The following ABCB7 variants were observed in gnomAD, a reference collection of about 807,000 sequenced individuals.
ABCB7 encodes ATP binding cassette subfamily B member 7, also known as iron-sulfur clusters transporter ABCB7, mitochondrial.
A neutral mutation model predicts 54.4 loss-of-function variants in ABCB7; 7 were observed. The ratio of observed to expected loss-of-function variants is 0.13; its 90% confidence interval spans 0.07 to 0.24. The LOEUF (loss-of-function observed/expected upper bound fraction) is 0.24, where lower values mean the gene tolerates loss of function less well. Ranked by LOEUF, ABCB7 falls within the 10% of genes least tolerant of loss-of-function variation. The pLI is 1.00. For synonymous variants in ABCB7, 218 were observed against 207.1 expected (o/e 1.05, Z -0.45); for missense variants, 356 against 570.4 (o/e 0.62, Z 3.83).
chrX:75,090,302 T>C (rs2147492061), intron 4 of ABCB7, among the ~76,000 whole-genome samples: 1 of 108,959 alleles, frequency 9.2e-6, no homozygotes, highest in South Asian at 4.0e-4. Flanking sequence ...TAGCACGAAG[T>C]ATGCCCTAGG....
chrX:75,099,537 G>A (rs2081621384), intron 3 of ABCB7, among the ~76,000 whole-genome samples: 1 of 111,187 alleles, frequency 9.0e-6, no homozygotes, highest in Admixed American at 9.6e-5. Context: ...AAAGCAGAGG[G>A]CTTGGTATTG....
At chrX:75,064,328 G>C (rs2081302246) in intron 13 of ABCB7, among the ~76,000 whole-genome samples, 1 of 111,070 alleles carries the variant, frequency 9.0e-6, no homozygotes, top group Admixed American at 9.7e-5. Flanking sequence ...AATTCATATA[G>C]AGTATTTCTC....
intron 2 of ABCB7, among the ~76,000 whole-genome samples, chrX:75,113,567 G>T (rs918478166): frequency 9.0e-6 from 1 of 111,618 alleles, no homozygotes; most frequent in African/African-American, 3.3e-5. Flanking sequence ...CAGAGACAGT[G>T]TCTTTTATCT....
chrX:75,138,245 C>CAG (rs1351097331), intron 1 of ABCB7, among the ~76,000 whole-genome samples: 2 of 110,539 alleles, frequency 1.8e-5, no homozygotes, highest in African/African-American at 6.6e-5. Context: ...CACACACACA[C>CAG]ACACACACAC....
At chrX:75,088,846 CA>C (rs58687438) in intron 4 of ABCB7, among the ~76,000 whole-genome samples, 14,301 of 90,774 alleles carry the variant, frequency 0.16, 1,724 homozygotes, top group East Asian at 0.9. Flanking sequence ...ACAAAAGAAA[CA>C]AAAAAAAAAA....
At chrX:75,069,178 T>C (rs1296919875) in intron 11 of ABCB7, 42 bp from the exon 12 acceptor site, 3 of 1,205,560 alleles carry the variant, frequency 2.5e-6, no homozygotes, top group Non-Finnish European at 3.4e-6. Flanking sequence ...CTCCTATTAA[T>C]GTTAGGAAAC....
At chrX:75,078,043 A>G (rs1200021579) in intron 4 of ABCB7, among the ~76,000 whole-genome samples, 1 of 108,746 alleles carries the variant, frequency 9.2e-6, no homozygotes, top group East Asian at 2.9e-4. Context: ...CCACCTGAGT[A>G]GCTGAGATTA....
rs2081384681 is a variant in ABCB7 at position 75,073,794 on chromosome X, G to A, written c.945-18C>T. 1.7e-6 allele frequency: 2 copies of A among 1,181,564 alleles called. No homozygotes were observed. Among genetic ancestry groups the A allele is most frequent in the African/African-American group, 1.8e-5 (1 of 56,728 alleles). ...ATCTAGTTCTGTAAGACAAAGATTT[G>A]CATAGGCATGAAATACATGTTATAA... On this transcript the variant is annotated intron_variant, in intron 7 of 15. Coordinates refer to ENST00000373394, the MANE Select transcript of ABCB7 (RefSeq NM_001271696.3).
intron 6 of ABCB7, among the ~76,000 whole-genome samples, chrX:75,074,699 T>TGCA (rs780225494): frequency 9.0e-6 from 1 of 111,718 alleles, no homozygotes; most frequent in East Asian, 2.8e-4. Flanking sequence ...GCAACATGGA[T>TGCA]GCATCTGGAG....
At chrX:75,056,008 A>G (rs2081237293) in intron 15 of ABCB7, among the ~76,000 whole-genome samples, 1 of 111,429 alleles carries the variant, frequency 9.0e-6, no homozygotes, top group Admixed American at 9.6e-5. Flanking sequence ...TTTTGGGTAG[A>G]AAGAAAAGAT....
At chrX:75,088,880 A>C (rs1181700236) in intron 4 of ABCB7, among the ~76,000 whole-genome samples, 2 of 110,358 alleles carry the variant, frequency 1.8e-5, no homozygotes, top group African/African-American at 6.5e-5. Context: ...AACAACAAAA[A>C]AAAAACTCCC....
chrX:75,091,464 TA>T, intron 4 of ABCB7, among the ~76,000 whole-genome samples: 1 of 110,956 alleles, frequency 9.0e-6, no homozygotes, highest in Non-Finnish European at 1.9e-5. Context: ...CAAACACCTA[TA>T]AAAAACCTTA....
intron 3 of ABCB7, among the ~76,000 whole-genome samples, chrX:75,111,334 T>C (rs2081758922): frequency 8.9e-6 from 1 of 112,161 alleles, no homozygotes; most frequent in South Asian, 3.8e-4. Context: ...GGACAGGCCT[T>C]ACAATCTCAC....
At chrX:75,124,431 T>C (rs1314298378) in intron 1 of ABCB7, among the ~76,000 whole-genome samples, 3 of 112,212 alleles carry the variant, frequency 2.7e-5, no homozygotes, top group Admixed American at 9.4e-5. Context: ...GGTTCATTTA[T>C]CATAACATTT....
At chrX:75,147,914 G>A (rs1236344359) in intron 1 of ABCB7, among the ~76,000 whole-genome samples, 2 of 111,676 alleles carry the variant, frequency 1.8e-5, no homozygotes, top group South Asian at 3.7e-4. Flanking sequence ...TCAGGAGTTC[G>A]AGACTAGCCT....
chrX:75,118,999 CAG>C (rs1319016098), intron 1 of ABCB7, among the ~76,000 whole-genome samples: 1 of 112,222 alleles, frequency 8.9e-6, no homozygotes, highest in Non-Finnish European at 1.9e-5. Flanking sequence ...AAGAACCTTA[CAG>C]CTACAGGATC....
chrX:75,080,117 G>A (rs188511082), intron 4 of ABCB7, among the ~76,000 whole-genome samples: 2 of 111,944 alleles, frequency 1.8e-5, no homozygotes, highest in African/African-American at 6.5e-5. Flanking sequence ...CAGTCACCCC[G>A]AAGGACATTT....
At chrX:75,082,519 A>G (rs2081463994) in intron 4 of ABCB7, among the ~76,000 whole-genome samples, 1 of 112,268 alleles carries the variant, frequency 8.9e-6, no homozygotes, top group South Asian at 3.7e-4. Context: ...TGGAAATGGT[A>G]AATATCTGTG....
At chrX:75,063,090 C>G (rs1229040804) in intron 13 of ABCB7, among the ~76,000 whole-genome samples, 1 of 111,429 alleles carries the variant, frequency 9.0e-6, no homozygotes, top group African/African-American at 3.3e-5. Context: ...GGTCACCGAG[C>G]AAGAATCTGG....
Sources: gnomAD v4.1 joint callset for allele counts (sites outside exome capture counted in the v4.1 genomes callset) on GRCh38, gnomAD v4.1.1 for gene constraint, MANE v1.5 for transcripts, NCBI Gene and HGNC (gene_info 2026-07-23, HGNC 2026-07-21) for gene names.